The following MAP3K3 variants were observed in gnomAD, a reference collection of about 807,000 sequenced individuals.
MAP3K3 encodes mitogen-activated protein kinase kinase kinase 3.
MAP3K3 carries 12 observed loss-of-function variants against 80.9 expected under a neutral mutation model. The ratio of observed to expected loss-of-function variants is 0.15; its 90% CI spans 0.10 to 0.24. The LOEUF (loss-of-function observed/expected upper bound fraction) is 0.24, where lower values mean the gene tolerates loss of function less well. Among genes scored for constraint, MAP3K3 ranks in the 10% least tolerant of loss-of-function variants. The pLI, the probability that MAP3K3 is intolerant of heterozygous loss-of-function variation, is 1.00. For missense variants in MAP3K3, 596 were observed against 834.7 expected (o/e 0.71, Z 3.52); for synonymous variants, 272 against 307.1 (o/e 0.89, Z 1.19).
At chr17:63,656,792 A>T (rs1184125251) in intron 4 of MAP3K3, among the ~76,000 whole-genome samples, 1 of 152,164 alleles carries the variant, frequency 6.6e-6, no homozygotes, top group Non-Finnish European at 1.5e-5. Context: ...TGAGTGTATT[A>T]GTCTGTTCTC....
chr17:63,657,235 T>G (rs1378943630), intron 4 of MAP3K3, among the ~76,000 whole-genome samples: 1 of 152,056 alleles, frequency 6.6e-6, no homozygotes, highest in Non-Finnish European at 1.5e-5. Context: ...TGTTTGCAAC[T>G]TGATATTTTG....
chr17:63,671,532 G>A (rs1244740270), intron 6 of MAP3K3, among the ~76,000 whole-genome samples: 1 of 152,042 alleles, frequency 6.6e-6, no homozygotes, highest in Non-Finnish European at 1.5e-5. Context: ...GGGATTACAG[G>A]AGTGAGCCAC....
chr17:63,644,225 T>C (rs2034498879), intron 2 of MAP3K3, among the ~76,000 whole-genome samples: 1 of 152,200 alleles, frequency 6.6e-6, no homozygotes. Flanking sequence ...CAGGGCTGTA[T>C]ATTTTTTGAG....
chr17:63,641,265 T>G (rs1284542864), intron 2 of MAP3K3, among the ~76,000 whole-genome samples: 1 of 151,370 alleles, frequency 6.6e-6, no homozygotes, highest in African/African-American at 2.4e-5. Flanking sequence ...TTTCCTGAGA[T>G]GGAGTCTTGT....
chr17:63,669,646 G>A (rs1054567126), intron 6 of MAP3K3, among the ~76,000 whole-genome samples: 1 of 152,036 alleles, frequency 6.6e-6, no homozygotes, highest in Non-Finnish European at 1.5e-5. Flanking sequence ...GTAGAGACGG[G>A]ATTTCGCCAT....
chr17:63,638,917 T>C (rs576493060), intron 2 of MAP3K3, among the ~76,000 whole-genome samples: 1 of 152,064 alleles, frequency 6.6e-6, no homozygotes, highest in African/African-American at 2.4e-5. Flanking sequence ...TCCCAGCTAC[T>C]TGGGAGGCTG....
At chr17:63,652,946 C>T (rs1365806277) in intron 4 of MAP3K3, among the ~76,000 whole-genome samples, 1 of 152,152 alleles carries the variant, frequency 6.6e-6, no homozygotes, top group Non-Finnish European at 1.5e-5. Context: ...ATACTGTCTC[C>T]TTTACATTTT....
intron 4 of MAP3K3, among the ~76,000 whole-genome samples, chr17:63,653,781 A>G (rs1383650650): frequency 6.6e-6 from 1 of 152,250 alleles, no homozygotes; most frequent in African/African-American, 2.4e-5. Context: ...TGAGATTAAA[A>G]AATTTATCAT....
At chr17:63,650,692 G>GAA (rs2034635450) in intron 3 of MAP3K3, among the ~76,000 whole-genome samples, 1 of 139,968 alleles carries the variant, frequency 7.1e-6, no homozygotes, top group Admixed American at 6.9e-5. Flanking sequence ...GAGAGAGAGA[G>GAA]AGAGTTTTTT....
At chr17:63,687,338 T>C (rs2035474890) in intron 8 of MAP3K3, among the ~76,000 whole-genome samples, 1 of 140,136 alleles carries the variant, frequency 7.1e-6, no homozygotes, top group South Asian at 2.2e-4. Flanking sequence ...ACCCTGTCTC[T>C]ACTAAAAAAT....
intron 5 of MAP3K3, among the ~76,000 whole-genome samples, chr17:63,658,950 G>C (rs1005679076): frequency 2.6e-5 from 4 of 152,124 alleles, no homozygotes; most frequent in African/African-American, 9.7e-5. Context: ...TCGTCAGGCT[G>C]GTCTCAAATT....
At chr17:63,680,354 C>G (rs2035304131) in intron 6 of MAP3K3, among the ~76,000 whole-genome samples, 1 of 152,130 alleles carries the variant, frequency 6.6e-6, no homozygotes, top group Admixed American at 6.5e-5. Flanking sequence ...TTGTTCCCTT[C>G]AGAACAGGAA....
At chr17:63,677,890 C>T (rs2035250781) in intron 6 of MAP3K3, among the ~76,000 whole-genome samples, 1 of 152,146 alleles carries the variant, frequency 6.6e-6, no homozygotes, top group Non-Finnish European at 1.5e-5. Flanking sequence ...CAGGAAGTCC[C>T]CACGTTAGCC....
chr17:63,674,052 C>T (rs1201050800), intron 6 of MAP3K3, among the ~76,000 whole-genome samples: 1 of 150,608 alleles, frequency 6.6e-6, no homozygotes, highest in East Asian at 2.0e-4. Flanking sequence ...TGCGCTCCAG[C>T]TTAGGCAACA....
chr17:63,690,014 A>T, intron 11 of MAP3K3: 1 of 580,172 alleles, frequency 1.7e-6, no homozygotes, highest in South Asian at 2.3e-5. Flanking sequence ...TTGGAAGGAA[A>T]TGCATTTGAT....
Position 63,680,381 on chromosome 17 carries a change from A to G in MAP3K3, c.503-1385A>G, listed in dbSNP as rs148204264. On this transcript the variant is annotated intron_variant, in intron 6 of 15. Transcript: ENST00000361733. ...GAACAGGAAAAGGGTTCAGGATAAG[A>G]GTCTTACGTTTAAGTTTTGAAGCTA... is the stretch of plus-strand genomic sequence containing the variant. Among the ~76,000 whole-genome samples, 211 of 152,306 alleles carry G rather than the reference A, an allele frequency of 1.4e-3. 1 individual carries two copies. Among genetic ancestry groups the G allele is most frequent in the South Asian group, 7.0e-3 (34 of 4,824 alleles).
At chr17:63,653,856 T>A (rs749971743) in intron 4 of MAP3K3, among the ~76,000 whole-genome samples, 7 of 152,224 alleles carry the variant, frequency 4.6e-5, no homozygotes, top group Non-Finnish European at 8.8e-5. Context: ...CACCGCTATC[T>A]AATTCCAGAA....
Position 63,689,673 on chromosome 17 carries a change from G to A in MAP3K3, c.1001G>A (p.Arg334His), listed in dbSNP as rs754533496. The change falls in exon 11 of 16, where the codon CGC (arginine) becomes CAC (histidine). Residue 334 changes from arginine (R) to histidine (H), a missense_variant. Arg to His is a conservative substitution (Grantham distance 29). Around this residue, in one of 2 missense-constraint regions of MAP3K3, gnomAD observed 364 missense variants for 588.9 expected, o/e 0.62. Transcript: ENST00000361733. This position sits in a 1 kb window ranked among gnomAD's most constrained non-coding sequence, Gnocchi z 4.3. ...LAVQYLDPRG[R>H]LRSADSENAL... ...GTGCAATACCTGGACCCCCGTGGGC[G>A]CCTGCGGAGTGCGGACAGCGAGAAT... 10 of 1,613,924 alleles carry A rather than the reference G, an allele frequency of 6.2e-6. No individual in the cohort carries two copies. In the Middle Eastern group the frequency reaches 4.9e-4, roughly 80 times the overall value.
At chr17:63,690,960 A>T in intron 12 of MAP3K3, 142 bp from the exon 13 acceptor site, 1 of 959,978 alleles carries the variant, frequency 1.0e-6, no homozygotes, top group Non-Finnish European at 1.6e-6. Context: ...AGAGCTAGAC[A>T]GTTAAGAGAG....
Sources: allele counts gnomAD v4.1 joint callset (sites outside exome capture counted in the v4.1 genomes callset), GRCh38; gene constraint gnomAD v4.1.1; regional missense constraint gnomAD v4.1.1; non-coding constraint Gnocchi (gnomAD v3.1); transcripts MANE v1.5; gene names NCBI Gene and HGNC (gene_info 2026-07-23, HGNC 2026-07-21).